The following GABRB1 variants were observed in gnomAD, a reference collection of about 807,000 sequenced individuals.
GABRB1 encodes the protein gamma-aminobutyric acid type A receptor subunit beta1.
A neutral mutation model predicts 51.6 loss-of-function variants in GABRB1; 17 were observed. The observed-to-expected ratio is 0.33, with a 90% confidence interval of 0.23 to 0.49. The LOEUF is 0.49. GABRB1 is among the 20% of genes least tolerant of loss of function. The probability of loss-of-function intolerance (pLI) is 0.99; values close to 1 mark genes in which losing one functional copy is unlikely to be tolerated. For synonymous variants in GABRB1, 247 were observed against 218.9 expected, an observed-to-expected ratio of 1.13 and a Z score of -1.14; for missense variants, 410 against 600.6, an observed-to-expected ratio of 0.68 and a Z score of 3.32.
intron 5 of GABRB1, among the ~76,000 whole-genome samples, chr4:47,326,891 C>T (rs1044938055): frequency 1.3e-5 from 2 of 152,098 alleles, no homozygotes; most frequent in Non-Finnish European, 2.9e-5. Context: ...TGTTTCCATG[C>T]TTGTTGTTTC....
intron 4 of GABRB1, among the ~76,000 whole-genome samples, chr4:47,176,155 T>G (rs1038617725): frequency 2.6e-5 from 4 of 152,094 alleles, no homozygotes; most frequent in Non-Finnish European, 5.9e-5. Flanking sequence ...TGTATTTGGG[T>G]ATATTATACC....
intron 2 of GABRB1, 141 bp from the exon 3 acceptor site, chr4:47,032,276 G>T: frequency 1.2e-6 from 1 of 833,380 alleles, no homozygotes; most frequent in South Asian, 1.6e-5. Context: ...TGTTTTCCCA[G>T]GCAGTCCCCT....
At chr4:47,343,648 C>T (rs893126325) in intron 5 of GABRB1, among the ~76,000 whole-genome samples, 3 of 152,104 alleles carry the variant, frequency 2.0e-5, no homozygotes, top group Non-Finnish European at 4.4e-5. Flanking sequence ...GACTGATGGA[C>T]CCTGGTTGCA....
chr4:47,356,883 T>G (rs1054980038), intron 5 of GABRB1, among the ~76,000 whole-genome samples: 4 of 152,302 alleles, frequency 2.6e-5, no homozygotes, highest in African/African-American at 9.6e-5. Flanking sequence ...ATGATTACAG[T>G]AGGTCCTATA....
At chr4:47,206,860 A>C (rs944347759) in intron 4 of GABRB1, among the ~76,000 whole-genome samples, 53 of 151,430 alleles carry the variant, frequency 3.5e-4, no homozygotes, top group African/African-American at 1.3e-3. Context: ...ATATATATGT[A>C]TATATATGTG....
intron 4 of GABRB1, among the ~76,000 whole-genome samples, chr4:47,195,852 C>A (rs1026862561): frequency 3.3e-5 from 5 of 152,194 alleles, no homozygotes; most frequent in Non-Finnish European, 7.3e-5. Flanking sequence ...ACTTTAGATA[C>A]TTTGTCTAAG....
intron 3 of GABRB1, 26 bp downstream of exon 3, chr4:47,032,510 C>A (rs1560503484): frequency 3.1e-6 from 5 of 1,608,522 alleles, no homozygotes; most frequent in Non-Finnish European, 3.4e-6. Context: ...AGGGGCCCGG[C>A]GGTTCGGCTT....
At chr4:47,029,695 G>A (rs964796422), upstream of GABRB1, among the ~76,000 whole-genome samples, 3 of 151,684 alleles carry the variant, frequency 2.0e-5, no homozygotes, top group Non-Finnish European at 4.4e-5. Context: ...TTAAAGTTAC[G>A]TATCTACCTG....
intron 4 of GABRB1, among the ~76,000 whole-genome samples, chr4:47,204,516 C>A (rs1720038456): frequency 6.6e-6 from 1 of 152,112 alleles, no homozygotes; most frequent in Admixed American, 6.6e-5. Context: ...CTAACCCAAA[C>A]ATACTTGATA....
At chr4:47,346,211 T>C (rs566754229) in intron 5 of GABRB1, among the ~76,000 whole-genome samples, 7 of 152,222 alleles carry the variant, frequency 4.6e-5, no homozygotes, top group Admixed American at 2.0e-4. Flanking sequence ...GACCACCACA[T>C]ATGACCTGAA....
intron 5 of GABRB1, among the ~76,000 whole-genome samples, chr4:47,373,521 T>G (rs1208820736): frequency 6.6e-6 from 1 of 152,204 alleles, no homozygotes; most frequent in African/African-American, 2.4e-5. Flanking sequence ...TATGTCATCT[T>G]TATATGTGAG....
intron 4 of GABRB1, among the ~76,000 whole-genome samples, chr4:47,246,971 GCTGT>G (rs1314099810): frequency 6.6e-6 from 1 of 152,130 alleles, no homozygotes; most frequent in Non-Finnish European, 1.5e-5. Context: ...CACTCTGTAG[GCTGT>G]CTGTTTACTC....
At chr4:46,998,930 G>T (rs1724092044) in intron 1 of GABRB1, among the ~76,000 whole-genome samples, 1 of 152,082 alleles carries the variant, frequency 6.6e-6, no homozygotes, top group Non-Finnish European at 1.5e-5. Flanking sequence ...AGCAGTGATT[G>T]TGTGTGTGAG....
chr4:47,419,157 C>T (rs1729021791), intron 8 of GABRB1, among the ~76,000 whole-genome samples: 1 of 152,162 alleles, frequency 6.6e-6, no homozygotes, highest in Non-Finnish European at 1.5e-5. Context: ...CTGTTTTGCT[C>T]ACCACCATCT....
rs60210572 is a variant in GABRB1, at chr4:47,007,142, T to TAA, written c.-20+13226_-20+13227dup. Among the ~76,000 whole-genome samples, 176 of 145,394 alleles carry TAA rather than the reference T, an allele frequency of 1.2e-3. 1 individual carries two copies. The highest frequency in any genetic ancestry group is 2.9e-3 in the African/African-American group (115 of 39,292). On this transcript the variant is annotated intron_variant, in intron 1 of 3. Transcript: ENST00000513567. Reference sequence around the variant, plus strand: ...GTGACAGAGCGAGACCCTGTTTGGATAAAAAAAAAAAGAAAAAGAAAAGAA... The same window carrying TAA: ...GTGACAGAGCGAGACCCTGTTTGGATAAAAAAAAAAAAAGAAAAAGAAAAGAA...
rs1415315088 is a variant in GABRB1, at chr4:47,341,330, A to ATGG, written c.544+21121_544+21122insTGG. On this transcript the variant is annotated intron_variant, in intron 5 of 8. Transcript: ENST00000295454. Reference sequence around the variant, plus strand: ...TGATTCATTGTTTCGATCCCACAACACCAGTGGCCATGCTCTCTGGAAATT... The same window carrying ATGG: ...TGATTCATTGTTTCGATCCCACAACATGGCCAGTGGCCATGCTCTCTGGAAATT... 3.2e-3 allele frequency among the ~76,000 whole-genome samples: 490 copies of ATGG among 152,280 alleles called. 1 individual carries two copies. Among genetic ancestry groups the ATGG allele is most frequent in the Middle Eastern group, 0.02 (6 of 294 alleles).
chr4:47,198,099 T>G (rs1282552969), intron 4 of GABRB1, among the ~76,000 whole-genome samples: 1 of 152,104 alleles, frequency 6.6e-6, no homozygotes, highest in Non-Finnish European at 1.5e-5. Flanking sequence ...AAGGAAGTGC[T>G]CCATAAACCG....
chr4:47,170,411 A>ACACG (rs1560569381), intron 4 of GABRB1, among the ~76,000 whole-genome samples: 5 of 151,962 alleles, frequency 3.3e-5, no homozygotes, highest in African/African-American at 1.2e-4. Context: ...ACGCACACAC[A>ACACG]CACACACGCA....
At chr4:47,149,282 A>G (rs891571946) in intron 3 of GABRB1, among the ~76,000 whole-genome samples, 25 of 152,072 alleles carry the variant, frequency 1.6e-4, no homozygotes, top group Non-Finnish European at 3.2e-4. Flanking sequence ...AATGTGTATT[A>G]TTAACTGCAT....
Sources: allele counts gnomAD v4.1 joint callset (sites outside exome capture counted in the v4.1 genomes callset), GRCh38; gene constraint gnomAD v4.1.1; transcripts MANE v1.5; gene names NCBI Gene and HGNC (gene_info 2026-07-23, HGNC 2026-07-21).